ZDBF2: variants seen among roughly 807,000 people sequenced by gnomAD.
The protein encoded by ZDBF2 is zinc finger DBF-type containing 2, also known as DBF4-type zinc finger-containing protein 2.
A neutral mutation model predicts 9.4 loss-of-function variants in ZDBF2; 6 were observed. The ratio of observed to expected loss-of-function variants is 0.64; its 90% CI spans 0.35 to 1.27. The LOEUF (loss-of-function observed/expected upper bound fraction) is 1.27, where lower values mean the gene tolerates loss of function less well. Among genes scored for constraint, ZDBF2 ranks in the 50% most tolerant of loss-of-function variants. The pLI, the probability that ZDBF2 is intolerant of heterozygous loss-of-function variation, is 0.03. For missense variants in ZDBF2, 2,697 were observed against 2,766.8 expected (o/e 0.97, Z 0.57); for synonymous variants, 905 against 946.3 (o/e 0.96, Z 0.80).
chr2:206,297,314 G>A lies in ZDBF2; in HGVS notation c.129G>A (p.Leu43=). 1 of 1,613,408 alleles carries A rather than the reference G, an allele frequency of 6.2e-7. No individual in the cohort carries two copies. Among genetic ancestry groups the A allele is most frequent in the African/African-American group, 1.3e-5 (1 of 75,044 alleles). The part of the protein sequence containing the change: ...QSRRQICTSS[L]MERFLQDVLQ... ...GACGTCAAATATGTACCAGTAGTTT[G>A]ATGGAACGTTTCTTACAGGATGTAC... The change falls in exon 4 of 5, where the codon TTG becomes TTA. Residue 43 remains leucine (L), a synonymous_variant. Transcript: ENST00000374423.
chr2:206,304,818 T>TTGAGGA lies in ZDBF2; in HGVS notation c.299_304dup (p.Glu100_Asp101dup). 6.2e-7 allele frequency: 1 copy of TTGAGGA among 1,613,444 alleles called. No individual in the cohort carries two copies. The highest frequency in any genetic ancestry group is 8.5e-7 in the Non-Finnish European group (1 of 1,179,700). ...GAAGAGGAAGAGGATGAGGATAAGGTTGAGGATGAGGATGCTACCGAAGAG... is the reference window on the plus strand; with the variant it reads ...GAAGAGGAAGAGGATGAGGATAAGGTTGAGGATGAGGATGAGGATGCTACCGAAGAG... On this transcript the variant is annotated inframe_insertion, in exon 5 of 5. Coordinates refer to ENST00000374423, the MANE Select transcript of ZDBF2 (RefSeq NM_020923.3).
In ZDBF2 at chr2:206,305,828, G is replaced by C; in HGVS notation, c.1300G>C (p.Val434Leu). 6.2e-7 allele frequency: 1 copy of C among 1,613,518 alleles called. No homozygotes were observed. Among genetic ancestry groups the C allele is most frequent in the Non-Finnish European group, 8.5e-7 (1 of 1,179,760 alleles). The change falls in exon 5 of 5, where the codon GTA (valine) becomes CTA (leucine). Residue 434 changes from valine to leucine, a missense_variant. Physicochemically the swap from Val to Leu is conservative, Grantham distance 32 (BLOSUM62 1). Around this residue, in one of 3 missense-constraint regions of ZDBF2, gnomAD observed 910 missense variants for 973.6 expected, o/e 0.93. Coordinates refer to ENST00000374423, the MANE Select transcript of ZDBF2 (RefSeq NM_020923.3). ...CAAAGAAGTAAACCTTTCCAAGGAA[G>C]TACGTACTGATGTACAGTATAAGAA... ...SAKEVNLSKEVRTDVQYKNNK... is the reference protein window; with the variant it reads ...SAKEVNLSKELRTDVQYKNNK...
At chr2:206,289,557 T>A (rs2105914766) in intron 3 of ZDBF2, among the ~76,000 whole-genome samples, 1 of 152,276 alleles carries the variant, frequency 6.6e-6, no homozygotes, top group African/African-American at 2.4e-5. Context: ...CGGGCTGGGA[T>A]GATTCAGCAG....
chr2:206,309,156 A>G lies in ZDBF2; in HGVS notation c.4628A>G (p.Asp1543Gly). The G allele has an allele frequency of 6.2e-7, 1 of 1,612,202 alleles. No individual in the cohort carries two copies. Among genetic ancestry groups the G allele is most frequent in the East Asian group, 2.2e-5 (1 of 44,852 alleles). ...GDSDYEVISD[D>G]IPLQLVTDPP... ...AGTGATTATGAAGTAATTTCAGATG[A>G]TATTCCCCTTCAGTTAGTGACTGAC... The change falls in exon 5 of 5, where the codon GAT becomes GGT. Residue 1543 changes from aspartate to glycine, a missense_variant. Asp to Gly is a moderately conservative substitution (Grantham distance 94). Around this residue, in one of 3 missense-constraint regions of ZDBF2, gnomAD observed 1,783 missense variants for 1,776.5 expected, o/e 1.00. Coordinates refer to ENST00000374423, the MANE Select transcript of ZDBF2 (RefSeq NM_020923.3).
At position 206,307,959 on chromosome 2, in the gene ZDBF2, A is replaced by G. The variant is rs1028626901; in HGVS notation, c.3431A>G (p.Asn1144Ser). ...AAACATGTGAACCTTGGGAATGAAA[A>G]CCATATGTACTTGGAAGTTAAGAAC... is the stretch of plus-strand genomic sequence containing the variant. ...AIKHVNLGNE[N>S]HMYLEVKNSQ... is the part of the protein sequence containing the mutation. The change falls in exon 5 of 5, where the codon AAC becomes AGC. Residue 1144 changes from asparagine (N) to serine (S), a missense_variant. Asn to Ser is a conservative substitution (Grantham distance 46). Transcript: ENST00000374423. 6.2e-7 allele frequency: 1 copy of G among 1,613,670 alleles called. No individual in the cohort carries two copies. The highest frequency in any genetic ancestry group is 1.7e-4 in the Middle Eastern group (1 of 6,060).
At chr2:206,284,814 C>T (rs962839479) in intron 3 of ZDBF2, among the ~76,000 whole-genome samples, 6 of 152,132 alleles carry the variant, frequency 3.9e-5, no homozygotes, top group South Asian at 4.1e-4. Context: ...CTGCAACCTT[C>T]GCCTCTTGGG....
In ZDBF2 at chr2:206,311,377, A is replaced by G. The variant is rs1384165778; in HGVS notation, c.6849A>G (p.Ser2283=). The G allele has an allele frequency of 6.2e-7, 1 of 1,607,182 alleles. No homozygotes were observed. The highest frequency in any genetic ancestry group is 8.5e-7 in the Non-Finnish European group (1 of 1,176,606). ...SVPPAGAEEL[S]SAMANPPPKR... ...CACCAGCTGGTGCCGAAGAGCTGTC[A>G]AGCGCTATGGCAAATCCTCCTCCAA... The change falls in exon 5 of 5, where the codon TCA becomes TCG. Residue 2283 remains serine (S), a synonymous_variant. Coordinates refer to ENST00000374423, the MANE Select transcript of ZDBF2 (RefSeq NM_020923.3).
In ZDBF2 at chr2:206,307,259, C is replaced by G. The variant is rs748115776; in HGVS notation, c.2731C>G (p.Pro911Ala). The change falls in exon 5 of 5, where the codon CCT (proline) becomes GCT (alanine). Residue 911 changes from proline (P) to alanine (A), a missense_variant. Pro to Ala is a conservative substitution (Grantham distance 27, BLOSUM62 -1). Around this residue, in one of 3 missense-constraint regions of ZDBF2, gnomAD observed 1,783 missense variants for 1,776.5 expected, o/e 1.00. Transcript: ENST00000374423. ...QVHLENKENE[P>A]IDSEVSLDYN... ...ACACTTAGAAAATAAGGAAAATGAA[C>G]CTATTGATTCTGAAGTAAGTTTGGA... 2 of 1,606,562 alleles carry G rather than the reference C, an allele frequency of 1.2e-6. No homozygotes were observed. Among genetic ancestry groups the G allele is most frequent in the Non-Finnish European group, 1.7e-6 (2 of 1,177,980 alleles).
At chr2:206,300,541 A>G (rs1168361838) in intron 4 of ZDBF2, among the ~76,000 whole-genome samples, 3 of 152,196 alleles carry the variant, frequency 2.0e-5, no homozygotes, top group Non-Finnish European at 4.4e-5. Flanking sequence ...GTGTAGCATC[A>G]GGAGACACAT....
In ZDBF2 at chr2:206,279,520, G is replaced by T. The variant is rs1691202440; in HGVS notation, c.-102-20G>T. On this transcript the variant is annotated intron_variant, in intron 1 of 4. Coordinates refer to ENST00000374423, the MANE Select transcript of ZDBF2 (RefSeq NM_020923.3). ...ACTTATGGGACCTCTTCTAAAAAAT[G>T]ATTTTATTTTAATTTACAGATACTT... is the stretch of plus-strand genomic sequence containing the variant. 6.6e-6 allele frequency: 1 copy of T among 152,060 alleles called. No individual in the cohort carries two copies. 9.4% of individuals were successfully genotyped at this position (152,060 alleles called of 1,614,324 possible).
At position 206,308,866 on chromosome 2, in the gene ZDBF2, C is replaced by T; in HGVS notation, c.4338C>T (p.Asn1446=). Residue 1446 remains asparagine (N), a synonymous_variant, in exon 5 of 5, where the codon AAC becomes AAT. Transcript: ENST00000374423. Reference sequence around the variant, plus strand: ...ATCATAATGATCTAGAAAATAAGAACTGTGAAGTCTGTGGTTCTGAAATAA... The same window carrying T: ...ATCATAATGATCTAGAAAATAAGAATTGTGAAGTCTGTGGTTCTGAAATAA... The part of the protein sequence containing the change: ...KKDHNDLENK[N]CEVCGSEIKC... 6.2e-7 allele frequency: 1 copy of T among 1,612,904 alleles called. No homozygotes were observed. Among genetic ancestry groups the T allele is most frequent in the Non-Finnish European group, 8.5e-7 (1 of 1,179,538 alleles).
In ZDBF2 at chr2:206,308,012, T is replaced by C. The variant is rs750059885; in HGVS notation, c.3484T>C (p.Leu1162=). ...CCAATATAGTTGTTCAGAAATGAAT[T>C]TGGATTCTGGTTTCTTGGGTCAGTC... is the stretch of plus-strand genomic sequence containing the variant. The part of the protein sequence containing the change: ...NSQYSCSEMN[L]DSGFLGQSIV... Residue 1162 remains leucine, a synonymous_variant, in exon 5 of 5, where the codon TTG becomes CTG. Coordinates refer to ENST00000374423, the MANE Select transcript of ZDBF2 (RefSeq NM_020923.3). 4 of 1,613,836 alleles carry C rather than the reference T, an allele frequency of 2.5e-6. 1 individual carries two copies. In the East Asian group the frequency reaches 6.7e-5, roughly 27 times the overall value.
At chr2:206,304,680 T>C in intron 4 of ZDBF2, 37 bp from the exon 5 acceptor site, 2 of 1,554,664 alleles carry the variant, frequency 1.3e-6, no homozygotes, top group Non-Finnish European at 1.7e-6. Flanking sequence ...AAACAGACAT[T>C]AGAATATGTT....
At chr2:206,275,211 C>G (rs983724712) in intron 1 of ZDBF2, among the ~76,000 whole-genome samples, 3 of 152,062 alleles carry the variant, frequency 2.0e-5, no homozygotes, top group Admixed American at 6.5e-5. Context: ...CGCTTCTGTC[C>G]GGGGCCCTGG....
In ZDBF2 at chr2:206,305,082, A is replaced by G. The variant is rs760374239; in HGVS notation, c.554A>G (p.Asn185Ser). 2 of 1,613,810 alleles carry G rather than the reference A, an allele frequency of 1.2e-6. No individual in the cohort carries two copies. The highest frequency in any genetic ancestry group is 1.7e-6 in the Non-Finnish European group (2 of 1,179,812). ...SNLVRPPVIC[N>S]APASCLPESS... ...TTGGTACGCCCCCCAGTGATTTGTA[A>G]TGCTCCTGCTAGTTGTTTACCTGAA... The change falls in exon 5 of 5, where the codon AAT becomes AGT. Residue 185 changes from asparagine (N) to serine (S), a missense_variant. By Grantham distance (46) the Asn-to-Ser change is conservative. Coordinates refer to ENST00000374423, the MANE Select transcript of ZDBF2 (RefSeq NM_020923.3).
chr2:206,293,447 G>T (rs1692002981), intron 3 of ZDBF2, among the ~76,000 whole-genome samples: 1 of 152,092 alleles, frequency 6.6e-6, no homozygotes, highest in Non-Finnish European at 1.5e-5. Context: ...GATAAAACCG[G>T]ACTGCAATAA....
At chr2:206,302,116 C>T (rs1381263099) in intron 4 of ZDBF2, among the ~76,000 whole-genome samples, 3 of 151,984 alleles carry the variant, frequency 2.0e-5, no homozygotes, top group African/African-American at 7.3e-5. Flanking sequence ...TCAAGTGATC[C>T]TCCTGCTTCA....
intron 3 of ZDBF2, among the ~76,000 whole-genome samples, chr2:206,295,579 G>A (rs941127800): frequency 6.6e-6 from 1 of 151,810 alleles, no homozygotes; most frequent in African/African-American, 2.4e-5. Context: ...TCGTCTTGTT[G>A]GCCAGGCTGG....
intron 3 of ZDBF2, among the ~76,000 whole-genome samples, chr2:206,295,117 G>C (rs1692099234): frequency 6.6e-6 from 1 of 152,134 alleles, no homozygotes; most frequent in Admixed American, 6.5e-5. Flanking sequence ...TCAGGAGCTA[G>C]CAACCTGATT....
Sources: allele counts gnomAD v4.1 joint callset (sites outside exome capture counted in the v4.1 genomes callset), GRCh38; gene constraint gnomAD v4.1.1; regional missense constraint gnomAD v4.1.1; transcripts MANE v1.5; gene names NCBI Gene and HGNC (gene_info 2026-07-23, HGNC 2026-07-21).